RAD54L2: variants seen among roughly 807,000 people sequenced by gnomAD.
RAD54L2 encodes RAD54 like 2.
Under a neutral mutation model 138.4 loss-of-function variants are expected in RAD54L2, and 27 were observed. The observed-to-expected ratio is 0.20, with a 90% CI of 0.14 to 0.27. The LOEUF (loss-of-function observed/expected upper bound fraction) is 0.27. Among genes scored for constraint, RAD54L2 ranks in the 10% least tolerant of loss-of-function variants. RAD54L2 has a pLI of 1.00. For missense variants in RAD54L2, 1,396 were observed against 1,890.2 expected (o/e 0.74, Z 4.85); for synonymous variants, 644 against 723.2 (o/e 0.89, Z 1.76).
chr3:51,627,982 G>A (rs1368866775), intron 4 of RAD54L2, among the ~76,000 whole-genome samples: 1 of 152,198 alleles, frequency 6.6e-6, no homozygotes, highest in Non-Finnish European at 1.5e-5. Context: ...CACTGCTGGA[G>A]GGTCTTCTAC....
intron 3 of RAD54L2, among the ~76,000 whole-genome samples, chr3:51,594,432 G>A (rs2106719589): frequency 6.6e-6 from 1 of 152,226 alleles, no homozygotes; most frequent in South Asian, 2.1e-4. Flanking sequence ...TTTACAGATG[G>A]GGAAACTGGG....
Position 51,633,989 on chromosome 3 carries a change from G to A in RAD54L2, c.1096G>A (p.Val366Ile), listed in dbSNP as rs1320379282. ...CCCGGCTGACAACAAGCCTGAAGAAGTCCAGCCTCGGTTCTTTAAAGTTCA... is the reference window on the plus strand; with the variant it reads ...CCCGGCTGACAACAAGCCTGAAGAAATCCAGCCTCGGTTCTTTAAAGTTCA... ...ALPADNKPEE[V>I]QPRFFKVHIL... The change falls in exon 9 of 23, where the codon GTC becomes ATC. Residue 366 changes from valine to isoleucine, a missense_variant. By Grantham distance (29) the Val-to-Ile change is conservative. This residue lies in a region of RAD54L2 where 169 missense variants were observed against 235.6 expected (regional missense o/e 0.72). Coordinates refer to ENST00000684192, the MANE Select transcript of RAD54L2 (RefSeq NM_015106.4). 2 of 1,613,836 alleles carry A rather than the reference G, an allele frequency of 1.2e-6. No homozygotes were observed. Among genetic ancestry groups the A allele is most frequent in the Non-Finnish European group, 1.7e-6 (2 of 1,179,900 alleles).
chr3:51,660,707 C>T (rs1383542635), intron 22 of RAD54L2, among the ~76,000 whole-genome samples: 1 of 150,676 alleles, frequency 6.6e-6, no homozygotes, highest in Non-Finnish European at 1.5e-5. Flanking sequence ...CTGCAACCTC[C>T]TCCTCCCAGG....
intron 19 of RAD54L2, among the ~76,000 whole-genome samples, chr3:51,648,104 T>A (rs749075712): frequency 9.2e-5 from 14 of 152,152 alleles, no homozygotes; most frequent in Non-Finnish European, 2.1e-4. Context: ...AATACTGCGC[T>A]TTTCCAACGG....
At chr3:51,552,271 A>G (rs773265464) in intron 2 of RAD54L2, among the ~76,000 whole-genome samples, 14 of 149,964 alleles carry the variant, frequency 9.3e-5, no homozygotes, top group Non-Finnish European at 1.5e-4. Context: ...ATAGGAATCA[A>G]TTTTTTTTTG....
At chr3:51,566,477 T>G (rs1402213201) in intron 2 of RAD54L2, among the ~76,000 whole-genome samples, 2 of 131,912 alleles carry the variant, frequency 1.5e-5, no homozygotes, top group East Asian at 2.3e-4. Context: ...TTTTTTTTTT[T>G]TTTTTTTTTT....
intron 2 of RAD54L2, among the ~76,000 whole-genome samples, chr3:51,578,150 A>AC: frequency 1.1e-4 from 1 of 9,400 alleles, no homozygotes; most frequent in South Asian, 3.6e-3. Flanking sequence ...CCCCTGCCCC[A>AC]CCCCCTGGTC....
chr3:51,578,393 G>T (rs1290149786), intron 2 of RAD54L2, among the ~76,000 whole-genome samples: 1 of 152,140 alleles, frequency 6.6e-6, no homozygotes, highest in Non-Finnish European at 1.5e-5. Flanking sequence ...CAATTCCTAT[G>T]CATTTTTGTA....
At chr3:51,610,851 T>C (rs184900802) in intron 3 of RAD54L2, among the ~76,000 whole-genome samples, 4 of 152,280 alleles carry the variant, frequency 2.6e-5, no homozygotes, top group South Asian at 2.1e-4. Flanking sequence ...ATGACCCTTA[T>C]ACCAGCTCTA....
At chr3:51,579,184 A>G (rs889681518) in intron 2 of RAD54L2, among the ~76,000 whole-genome samples, 5 of 132,906 alleles carry the variant, frequency 3.8e-5, no homozygotes, top group African/African-American at 1.4e-4. Context: ...TTTTTTTGAG[A>G]CAGAGTCTCA....
chr3:51,590,302 C>A, intron 2 of RAD54L2, 65 bp from the exon 3 acceptor site: 1 of 1,252,610 alleles, frequency 8.0e-7, no homozygotes, highest in Non-Finnish European at 1.1e-6. Flanking sequence ...GCATTTTTTT[C>A]TTTGAAAGAC....
rs144064252 is a variant in RAD54L2 at position 51,619,596 on chromosome 3, A to G, written c.140-7957A>G. Among the ~76,000 whole-genome samples, 23 of 150,796 alleles carry G rather than the reference A, an allele frequency of 1.5e-4. No individual in the cohort carries two copies. In the East Asian group the frequency reaches 3.7e-3, roughly 24 times the overall value. On this transcript the variant is annotated intron_variant, in intron 3 of 22. Transcript: ENST00000684192. The stretch of plus-strand genomic sequence containing the variant: ...CTACCGGTCTCCTCATGGCCTTTCC[A>G]GTTTTCCATTCACCACATTATCTCA...
chr3:51,647,918 T>A (rs1002693649), intron 19 of RAD54L2, among the ~76,000 whole-genome samples: 3 of 152,112 alleles, frequency 2.0e-5, no homozygotes, highest in Admixed American at 6.5e-5. Context: ...CCAACTGAGG[T>A]ACCTGATTCA....
intron 2 of RAD54L2, among the ~76,000 whole-genome samples, chr3:51,564,241 C>G (rs531278281): frequency 3.9e-4 from 59 of 152,310 alleles, no homozygotes; most frequent in African/African-American, 1.4e-3. Context: ...ACAGGGAGTG[C>G]TTCACTTTGG....
chr3:51,650,936 A>G (rs1044156530), intron 19 of RAD54L2, among the ~76,000 whole-genome samples: 2 of 152,236 alleles, frequency 1.3e-5, no homozygotes, highest in African/African-American at 4.8e-5. Flanking sequence ...AACTGAGATC[A>G]GAGCAGAACT....
At chr3:51,642,552 A>C (rs1701165465) in intron 15 of RAD54L2, among the ~76,000 whole-genome samples, 1 of 152,116 alleles carries the variant, frequency 6.6e-6, no homozygotes, top group Non-Finnish European at 1.5e-5. Flanking sequence ...GGGCCAGATA[A>C]TTCTTTGTTA....
At chr3:51,632,415 TC>T (rs1406754948) in intron 7 of RAD54L2, among the ~76,000 whole-genome samples, 1 of 152,126 alleles carries the variant, frequency 6.6e-6, no homozygotes, top group Non-Finnish European at 1.5e-5. Flanking sequence ...TGCCTCAGCC[TC>T]CCAAGTAGCT....
chr3:51,597,483 A>G (rs2106726766), intron 3 of RAD54L2, among the ~76,000 whole-genome samples: 1 of 152,282 alleles, frequency 6.6e-6, no homozygotes, highest in South Asian at 2.1e-4. Flanking sequence ...GTTTTTAATA[A>G]TGAAAATTAT....
intron 2 of RAD54L2, among the ~76,000 whole-genome samples, chr3:51,549,942 A>G (rs1330230855): frequency 6.6e-6 from 1 of 151,982 alleles, no homozygotes; most frequent in Non-Finnish European, 1.5e-5. Flanking sequence ...CTGGTTGGTC[A>G]TGGTCCACAA....
Sources: allele counts gnomAD v4.1 joint callset (sites outside exome capture counted in the v4.1 genomes callset), GRCh38; gene constraint gnomAD v4.1.1; regional missense constraint gnomAD v4.1.1; transcripts MANE v1.5; gene names NCBI Gene and HGNC (gene_info 2026-07-23, HGNC 2026-07-21).